The following SCUBE3 variants were observed in gnomAD, a reference collection of about 807,000 sequenced individuals.
SCUBE3 encodes the protein signal peptide, CUB and EGF-like domain-containing protein 3.
SCUBE3 carries 33 observed loss-of-function variants against 116.8 expected under a neutral mutation model. The observed-to-expected ratio is 0.28, with a 90% CI of 0.21 to 0.38. SCUBE3 has a LOEUF of 0.38. Ranked by LOEUF, SCUBE3 falls within the 10% of genes least tolerant of loss-of-function variation. SCUBE3 has a pLI of 1.00. For synonymous variants in SCUBE3, 418 were observed against 496.9 expected (o/e 0.84, Z 2.11); for missense variants, 1,007 against 1,324.8 (o/e 0.76, Z 3.72).
chr6:35,244,597 G>GT lies in SCUBE3; in HGVS notation c.2240-52dup. On this transcript the variant is annotated intron_variant, in intron 17 of 21. Coordinates refer to ENST00000274938, the MANE Select transcript of SCUBE3 (RefSeq NM_152753.4). The surrounding 1 kb of genome is among the most constrained non-coding windows in gnomAD (Gnocchi z 4.3). ...ATGTATCCTGTCCATCCCATGCCCC[G>GT]TAACTCCCACCTGCCTACCATCTTG... 1.3e-6 allele frequency: 2 copies of GT among 1,502,374 alleles called. No individual in the cohort carries two copies. The highest frequency in any genetic ancestry group is 1.7e-5 in the Admixed American group (1 of 59,182). 93.1% of individuals were successfully genotyped at this position (1,502,374 alleles called of 1,614,324 possible). A position where few individuals can be genotyped will look rare whatever the true frequency, so the allele number is the denominator to read the frequency against.
At chr6:35,247,587 A>G (rs1784400973) in intron 21 of SCUBE3, among the ~76,000 whole-genome samples, 1 of 152,262 alleles carries the variant, frequency 6.6e-6, no homozygotes, top group Non-Finnish European at 1.5e-5. Context: ...GAACTTGCAG[A>G]CTTCAAAGAA....
At chr6:35,234,880 GA>G (rs1783695132) in intron 6 of SCUBE3, among the ~76,000 whole-genome samples, 3 of 152,266 alleles carry the variant, frequency 2.0e-5, no homozygotes, top group South Asian at 4.1e-4. Flanking sequence ...AAATGAGGCA[GA>G]AAAGGCCAAA....
In SCUBE3 at chr6:35,244,154, G is replaced by C; in HGVS notation, c.2239+24G>C. 3 of 1,600,422 alleles carry C rather than the reference G, an allele frequency of 1.9e-6. No homozygotes were observed. Among genetic ancestry groups the C allele is most frequent in the African/African-American group, 2.7e-5 (2 of 74,740 alleles). The stretch of plus-strand genomic sequence containing the variant: ...AGGTGAGTAAGCTACTCACCTCCCT[G>C]GGGGATGCCCCAACCCCAACTACTC... On this transcript the variant is annotated intron_variant, in intron 17 of 21. Transcript: ENST00000274938. This position sits in a 1 kb window ranked among gnomAD's most constrained non-coding sequence, Gnocchi z 4.3.
chr6:35,221,800 T>A (rs1034449), intron 1 of SCUBE3: 1 of 152,190 alleles, frequency 6.6e-6, no homozygotes, highest in Non-Finnish European at 1.5e-5. Context: ...CAAGGTAGCA[T>A]ATGAGGTATC....
rs1471301862 is a variant in SCUBE3 at position 35,235,444 on chromosome 6, A to G, written c.712+2143A>G. On this transcript the variant is annotated intron_variant, in intron 6 of 21. Transcript: ENST00000274938. This position sits in a 1 kb window ranked among gnomAD's most constrained non-coding sequence, Gnocchi z 4.5. ...AAACAGCTTTTTTACAATGTCAAAC[A>G]GGGGAAAGGCGGCTAGAGCAGCACA... 7.8e-7 allele frequency: 1 copy of G among 1,283,742 alleles called. No homozygotes were observed. Among genetic ancestry groups the G allele is most frequent in the South Asian group, 1.2e-5 (1 of 80,894 alleles). 79.5% of individuals were successfully genotyped at this position (1,283,742 alleles called of 1,614,324 possible).
In SCUBE3 at chr6:35,242,712, C is replaced by T. The variant is rs1049726815; in HGVS notation, c.1625C>T (p.Pro542Leu). ...RKGKGRRART[P>L]PGKEVTRLTL... is the part of the protein sequence containing the mutation. ...GGCAAGGGCCGACGGGCCCGGACCC[C>T]TCCAGGCAAAGAGGTCACAAGGCTC... The change falls in exon 14 of 22, where the codon CCT becomes CTT. Residue 542 changes from proline to leucine, a missense_variant. This residue lies in a region of SCUBE3 where 544 missense variants were observed against 638.9 expected (regional missense o/e 0.85). Transcript: ENST00000274938. 17 of 1,614,146 alleles carry T rather than the reference C, an allele frequency of 1.1e-5. No homozygotes were observed. Among genetic ancestry groups the T allele is most frequent in the Non-Finnish European group, 1.4e-5 (16 of 1,179,966 alleles).
rs1044370489 is a variant in SCUBE3, at chr6:35,228,829, G to C, written c.334+90G>C. Reference sequence around the variant, plus strand: ...TCCTATTTCCCAGGGAAGGAGGAGAGAGTGATCAAGAAGAGCTACATTCAC... The same window carrying C: ...TCCTATTTCCCAGGGAAGGAGGAGACAGTGATCAAGAAGAGCTACATTCAC... On this transcript the variant is annotated intron_variant, in intron 3 of 21. Transcript: ENST00000274938. This position sits in a 1 kb window ranked among gnomAD's most constrained non-coding sequence, Gnocchi z 4.9. The C allele has an allele frequency of 7.9e-5, 107 of 1,361,150 alleles. 1 individual carries two copies. The Admixed American group carries it at 1.8e-3, about 23-fold the overall frequency. The allele number at this position is 1,361,150 out of a possible 1,614,324, so 84.3% of individuals were successfully genotyped here.
Position 35,232,067 on chromosome 6 carries a change from T to A in SCUBE3, c.469+208T>A, listed in dbSNP as rs565407030. Among the ~76,000 whole-genome samples, 1 of 152,316 alleles carries A rather than the reference T, an allele frequency of 6.6e-6. No individual in the cohort carries two copies. Among genetic ancestry groups the A allele is most frequent in the South Asian group, 2.1e-4 (1 of 4,826 alleles). Reference sequence around the variant, plus strand: ...TGGGGAAATTACTTTGAGGTTGGGATCAATATGGGATTAAGGCTACTATGG... The same window carrying A: ...TGGGGAAATTACTTTGAGGTTGGGAACAATATGGGATTAAGGCTACTATGG... On this transcript the variant is annotated intron_variant, in intron 4 of 21. Coordinates refer to ENST00000274938, the MANE Select transcript of SCUBE3 (RefSeq NM_152753.4). This position sits in a 1 kb window ranked among gnomAD's most constrained non-coding sequence, Gnocchi z 4.2.
Position 35,244,103 on chromosome 6 carries a change from A to G in SCUBE3, c.2212A>G (p.Ile738Val). 3 of 1,613,912 alleles carry G rather than the reference A, an allele frequency of 1.9e-6. No individual in the cohort carries two copies. Among genetic ancestry groups the G allele is most frequent in the Non-Finnish European group, 1.7e-6 (2 of 1,179,912 alleles). ...GGLTTKHEGA[I>V]SFQDCDTKVQ... The stretch of plus-strand genomic sequence containing the variant: ...CCTCACCACCAAGCATGAAGGGGCC[A>G]TTTCCTTCCAAGACTGTGACACCAA... The change falls in exon 17 of 22, where the codon ATT becomes GTT. Residue 738 changes from isoleucine to valine, a missense_variant. Ile to Val is a conservative substitution (Grantham distance 29). Around this residue, in one of 5 missense-constraint regions of SCUBE3, gnomAD observed 544 missense variants for 638.9 expected, o/e 0.85. Coordinates refer to ENST00000274938, the MANE Select transcript of SCUBE3 (RefSeq NM_152753.4). The surrounding 1 kb of genome is among the most constrained non-coding windows in gnomAD (Gnocchi z 4.3).
intron 1 of SCUBE3, chr6:35,223,170 G>C (rs1047378674): frequency 2.0e-5 from 3 of 152,180 alleles, no homozygotes; most frequent in Non-Finnish European, 4.4e-5. Context: ...TGGATAAGCA[G>C]AGCAAGACCC....
At position 35,250,570 on chromosome 6, in the gene SCUBE3, T is replaced by C. The variant is rs950856999; in HGVS notation, c.*1865T>C. ...TCAAATGGAAGAAGAATCAAGTCCA[T>C]GCCCAAGCCCAAAGCCTGCACACAT... On this transcript the variant is annotated 3_prime_UTR_variant, in exon 22 of 22. Coordinates refer to ENST00000274938, the MANE Select transcript of SCUBE3 (RefSeq NM_152753.4). The C allele has an allele frequency of 7.9e-5, 12 of 152,232 alleles. No individual in the cohort carries two copies. The highest frequency in any genetic ancestry group is 2.9e-4 in the African/African-American group (12 of 41,464). 9.4% of individuals were successfully genotyped at this position (152,232 alleles called of 1,614,324 possible).
chr6:35,243,563 T>TG lies in SCUBE3; in HGVS notation c.1910-28dup. On this transcript the variant is annotated intron_variant, in intron 15 of 21. Coordinates refer to ENST00000274938, the MANE Select transcript of SCUBE3 (RefSeq NM_152753.4). The surrounding 1 kb of genome is among the most constrained non-coding windows in gnomAD (Gnocchi z 6.6). ...GCCTGGGTGGTGGGAAATGCGGGGGTGGGTGGCTAGCGCGGCCGACTCTCC... is the reference window on the plus strand; with the variant it reads ...GCCTGGGTGGTGGGAAATGCGGGGGTGGGGTGGCTAGCGCGGCCGACTCTCC... The TG allele has an allele frequency of 6.6e-7, 1 of 1,524,348 alleles. No homozygotes were observed. Among genetic ancestry groups the TG allele is most frequent in the Non-Finnish European group, 8.8e-7 (1 of 1,130,388 alleles). The allele number at this position is 1,524,348 out of a possible 1,614,324, so 94.4% of individuals were successfully genotyped here.
intron 7 of SCUBE3, among the ~76,000 whole-genome samples, chr6:35,238,778 G>A (rs887370839): frequency 1.3e-5 from 2 of 152,156 alleles, no homozygotes; most frequent in Non-Finnish European, 2.9e-5. Context: ...GAAAAAGGCA[G>A]GGTAGCCATA....
At position 35,233,208 on chromosome 6, in the gene SCUBE3, G is replaced by A. The variant is rs778700008; in HGVS notation, c.619G>A (p.Gly207Ser). The A allele has an allele frequency of 3.7e-6, 6 of 1,613,638 alleles. No individual in the cohort carries two copies. The highest frequency in any genetic ancestry group is 4.2e-6 in the Non-Finnish European group (5 of 1,179,618). The change falls in exon 6 of 22, where the codon GGC (glycine) becomes AGC (serine). Residue 207 changes from glycine (G) to serine (S), a missense_variant. Physicochemically the swap from Gly to Ser is moderately conservative, Grantham distance 56. This residue lies in a region of SCUBE3 where 214 missense variants were observed against 316.7 expected (regional missense o/e 0.68). Transcript: ENST00000274938. The surrounding 1 kb of genome is among the most constrained non-coding windows in gnomAD (Gnocchi z 5.7). The stretch of plus-strand genomic sequence containing the variant: ...AGTGACATGCAACTATGGTAACGGC[G>A]GCTGCCAGCACACGTGTGATGACAC... The part of the protein sequence containing the change: ...CKLTCNYGNG[G>S]CQHTCDDTEQ...
chr6:35,228,836 C>CA lies in SCUBE3; in HGVS notation c.334+99dup. On this transcript the variant is annotated intron_variant, in intron 3 of 21. Transcript: ENST00000274938. This position sits in a 1 kb window ranked among gnomAD's most constrained non-coding sequence, Gnocchi z 4.9. The stretch of plus-strand genomic sequence containing the variant: ...TCCCAGGGAAGGAGGAGAGAGTGAT[C>CA]AAGAAGAGCTACATTCACAAGAGAA... 5 of 1,275,152 alleles carry CA rather than the reference C, an allele frequency of 3.9e-6. No homozygotes were observed. The highest frequency in any genetic ancestry group is 4.5e-6 in the Non-Finnish European group (4 of 882,642). 79.0% of individuals were successfully genotyped at this position (1,275,152 alleles called of 1,614,324 possible).
chr6:35,220,864 T>C (rs1007253789), intron 1 of SCUBE3: 2 of 152,228 alleles, frequency 1.3e-5, no homozygotes, highest in African/African-American at 4.8e-5. Flanking sequence ...GCTACCCTCA[T>C]CCTTGCATAA....
Position 35,235,162 on chromosome 6 carries a change from G to C in SCUBE3, c.712+1861G>C, listed in dbSNP as rs1783713429. On this transcript the variant is annotated intron_variant, in intron 6 of 21. Coordinates refer to ENST00000274938, the MANE Select transcript of SCUBE3 (RefSeq NM_152753.4). This position sits in a 1 kb window ranked among gnomAD's most constrained non-coding sequence, Gnocchi z 4.5. ...TAGTAAGACTTGAGGGTGCATCCCA[G>C]CTTAGGCTTGAGCATGCTCTGTGGT... 1.3e-5 allele frequency among the ~76,000 whole-genome samples: 2 copies of C among 152,236 alleles called. No individual in the cohort carries two copies. Among genetic ancestry groups the C allele is most frequent in the African/African-American group, 2.4e-5 (1 of 41,456 alleles).
intron 1 of SCUBE3, among the ~76,000 whole-genome samples, chr6:35,217,719 G>A (rs535311200): frequency 6.6e-6 from 1 of 152,244 alleles, no homozygotes; most frequent in South Asian, 2.1e-4. Flanking sequence ...CCATGTCAGC[G>A]GGTAAGGGTG....
In SCUBE3 at chr6:35,233,012, C is replaced by T. The variant is rs141668751; in HGVS notation, c.595+37C>T. ...GGGATGGCAGGTGGGGCAGTGGGGT[C>T]GGGGGTGAAAACATAGAGGAAGGGT... is the stretch of plus-strand genomic sequence containing the variant. On this transcript the variant is annotated intron_variant, in intron 5 of 21. Coordinates refer to ENST00000274938, the MANE Select transcript of SCUBE3 (RefSeq NM_152753.4). The surrounding 1 kb of genome is among the most constrained non-coding windows in gnomAD (Gnocchi z 5.7). 6.3e-4 allele frequency: 1,017 copies of T among 1,610,026 alleles called. 4 individuals carry two copies. In the African/African-American group the frequency reaches 9.8e-3, roughly 16 times the overall value.
Sources: allele counts gnomAD v4.1 joint callset (sites outside exome capture counted in the v4.1 genomes callset), GRCh38; gene constraint gnomAD v4.1.1; regional missense constraint gnomAD v4.1.1; non-coding constraint Gnocchi (gnomAD v3.1); transcripts MANE v1.5; gene names NCBI Gene and HGNC (gene_info 2026-07-23, HGNC 2026-07-21).